The following ANK1 variants were observed in gnomAD, a reference collection of about 807,000 sequenced individuals.
ANK1 encodes ankyrin 1, also known as ankyrin-1.
In ANK1, 51 loss-of-function variants were observed where a neutral mutation model predicts 210.4. The observed-to-expected ratio is 0.24, with a 90% CI of 0.19 to 0.31. The LOEUF (loss-of-function observed/expected upper bound fraction) is 0.31, where lower values mean the gene tolerates loss of function less well. Ranked by LOEUF, ANK1 falls within the 10% of genes least tolerant of loss-of-function variation. The probability of loss-of-function intolerance (pLI) is 1.00; values close to 1 mark genes in which losing one functional copy is unlikely to be tolerated. For synonymous variants in ANK1, 967 were observed against 1,025.9 expected, an observed-to-expected ratio of 0.94 and a Z score of 1.10; for missense variants, 2,051 against 2,504.4, an observed-to-expected ratio of 0.82 and a Z score of 3.86.
intron 22 of ANK1, among the ~76,000 whole-genome samples, chr8:41,700,727 C>T (rs1822527579): frequency 1.3e-5 from 2 of 152,116 alleles, no homozygotes; most frequent in South Asian, 4.2e-4. Context: ...ATACTAGAAG[C>T]ATTCTGTAGT....
rs558977843 is a variant in ANK1 at position 41,845,645 on chromosome 8, A to G, written c.126+50710T>C. On this transcript the variant is annotated intron_variant, in intron 1 of 42. Coordinates refer to the ANK1 transcript ENST00000265709. ...GCAGTTGCACCCACTCTGTTAGTGA[A>G]GAAGGGAGAAATGATTAACTAACTC... Among the ~76,000 whole-genome samples, 20 of 152,154 alleles carry G rather than the reference A, an allele frequency of 1.3e-4. No homozygotes were observed. In the South Asian group the frequency reaches 3.5e-3, roughly 27 times the overall value.
chr8:41,758,250 G>T, intron 1 of ANK1, 113 bp from the exon 2 acceptor site: 1 of 937,862 alleles, frequency 1.1e-6, no homozygotes. Flanking sequence ...GTGGCACCCT[G>T]GTGCCCACAG....
At chr8:41,726,088 G>T (rs1830633643) in intron 5 of ANK1, 142 bp from the exon 6 acceptor site, 12 of 896,454 alleles carry the variant, frequency 1.3e-5, no homozygotes, top group African/African-American at 3.3e-5. Flanking sequence ...CTCTTCATCC[G>T]CCAAGTTTAG....
rs74771278 is a variant in ANK1 at position 41,714,445 on chromosome 8, A to T, written c.1702-191T>A. Among the ~76,000 whole-genome samples, 31,922 of 152,108 alleles carry T rather than the reference A, an allele frequency of 0.21. 4,313 individuals are homozygous for T. The highest frequency in any genetic ancestry group is 0.31 in the South Asian group (1,476 of 4,804). On this transcript the variant is annotated intron_variant, in intron 15 of 42. Coordinates refer to ENST00000289734, the MANE Select transcript of ANK1 (RefSeq NM_000037.4). ...CAGAGCCCTGTGGGAACAGGGGGGA[A>T]CGTGGGCAGTGAGATCAATACACTT...
Position 41,723,213 on chromosome 8 carries a change from G to A in ANK1, c.821C>T (p.Thr274Ile), listed in dbSNP as rs745826941. The A allele has an allele frequency of 2.5e-6, 4 of 1,614,132 alleles. No individual in the cohort carries two copies. Among genetic ancestry groups the A allele is most frequent in the Non-Finnish European group, 3.4e-6 (4 of 1,179,998 alleles). ...QIETKTKDEL[T>I]PLHCAARNGH... Reference sequence around the variant, plus strand: ...ATTTCGAGCTGCACAGTGGAGAGGTGTCAATTCGTCCTTTAAAAGACAGAG... The same window carrying A: ...ATTTCGAGCTGCACAGTGGAGAGGTATCAATTCGTCCTTTAAAAGACAGAG... Residue 274 changes from threonine to isoleucine, a missense_variant, in exon 9 of 43, where the codon ACA (threonine) becomes ATA (isoleucine). Around this residue, in one of 6 missense-constraint regions of ANK1, gnomAD observed 1,413 missense variants for 1,707.4 expected, o/e 0.83. Transcript: ENST00000289734.
chr8:41,697,905 T>G (rs1821553387), intron 24 of ANK1, 138 bp downstream of exon 24: 1 of 840,996 alleles, frequency 1.2e-6, no homozygotes, highest in Admixed American at 2.0e-5. Context: ...CGTCCAAGCG[T>G]GGAATGCCAG....
At chr8:41,681,107 T>C (rs1367257206) in intron 37 of ANK1, among the ~76,000 whole-genome samples, 1 of 152,198 alleles carries the variant, frequency 6.6e-6, no homozygotes, top group Non-Finnish European at 1.5e-5. Context: ...TCCTGCTAGC[T>C]TAACGTCAGC....
At chr8:41,705,852 G>A (rs1478922961) in intron 18 of ANK1, among the ~76,000 whole-genome samples, 3 of 151,350 alleles carry the variant, frequency 2.0e-5, no homozygotes, top group African/African-American at 7.3e-5. Context: ...GGGGAAACTT[G>A]ACATTTTGAC....
At chr8:41,874,089 G>A (rs1188665492) in intron 1 of ANK1, among the ~76,000 whole-genome samples, 1 of 152,224 alleles carries the variant, frequency 6.6e-6, no homozygotes, top group Non-Finnish European at 1.5e-5. Context: ...GAGACCTGCG[G>A]ACACACAACA....
At chr8:41,763,560 C>T (rs890242503) in intron 1 of ANK1, among the ~76,000 whole-genome samples, 5 of 152,106 alleles carry the variant, frequency 3.3e-5, no homozygotes, top group African/African-American at 4.8e-5. Context: ...ACCCCAAGGG[C>T]GTTCTTGGCC....
intron 38 of ANK1, 135 bp from the exon 39 acceptor site, chr8:41,668,699 A>C: frequency 9.9e-7 from 1 of 1,013,396 alleles, no homozygotes; most frequent in Non-Finnish European, 1.4e-6. Flanking sequence ...CCGTCCTCCC[A>C]TCCCTCCAAA....
At chr8:41,816,693 G>T (rs1211315973) in intron 1 of ANK1, among the ~76,000 whole-genome samples, 3 of 152,146 alleles carry the variant, frequency 2.0e-5, no homozygotes, top group Non-Finnish European at 4.4e-5. Flanking sequence ...GCGTCCCAAA[G>T]TGTTGGGATT....
intron 38 of ANK1, among the ~76,000 whole-genome samples, chr8:41,671,902 C>A (rs1417612954): frequency 7.0e-6 from 1 of 143,138 alleles, no homozygotes; most frequent in Non-Finnish European, 1.5e-5. Flanking sequence ...TCCCGGTGCC[C>A]CGATGTCCTA....
At chr8:41,739,376 C>A (rs995087647) in intron 2 of ANK1, among the ~76,000 whole-genome samples, 1 of 152,110 alleles carries the variant, frequency 6.6e-6, no homozygotes, top group African/African-American at 2.4e-5. Context: ...ATGTTATCTA[C>A]TTTTCCCACT....
chr8:41,893,415 G>A (rs1006837062), intron 1 of ANK1, among the ~76,000 whole-genome samples: 1 of 152,178 alleles, frequency 6.6e-6, no homozygotes, highest in African/African-American at 2.4e-5. Flanking sequence ...GCTCCAGAGT[G>A]TAGCTCAGTT....
In ANK1 at chr8:41,727,917, G is replaced by A. The variant is rs1243575663; in HGVS notation, c.318C>T (p.Ala106=). The change falls in exon 4 of 43, where the codon GCC becomes GCT. Residue 106 remains alanine (A), a synonymous_variant. Transcript: ENST00000289734. The stretch of plus-strand genomic sequence containing the variant: ...ACCAGAGAGCCATTACCTGTGACTG[G>A]GCGTTGACGTTGGCTCCATAGTTGA... ...ELVNYGANVN[A]QSQKGFTPLY... is the part of the protein sequence containing the mutation. The A allele has an allele frequency of 7.4e-6, 12 of 1,614,074 alleles. No individual in the cohort carries two copies. The Admixed American group carries it at 1.2e-4, about 16-fold the overall frequency.
At chr8:41,720,858 C>T (rs1392234913) in intron 9 of ANK1, among the ~76,000 whole-genome samples, 1 of 152,084 alleles carries the variant, frequency 6.6e-6, no homozygotes, top group Non-Finnish European at 1.5e-5. Context: ...AACCCAGGGG[C>T]CTCCATGCAG....
chr8:41,703,929 G>T, intron 20 of ANK1, 112 bp downstream of exon 20: 1 of 991,024 alleles, frequency 1.0e-6, no homozygotes, highest in Non-Finnish European at 1.6e-6. Flanking sequence ...AGGGTGCTGC[G>T]GCCCCGTCCA....
At chr8:41,767,828 G>A (rs1842191075) in intron 1 of ANK1, among the ~76,000 whole-genome samples, 1 of 152,154 alleles carries the variant, frequency 6.6e-6, no homozygotes, top group Non-Finnish European at 1.5e-5. Flanking sequence ...GAATGCCCTG[G>A]TGAATGGGCC....
Sources: gnomAD v4.1 joint callset for allele counts (sites outside exome capture counted in the v4.1 genomes callset) on GRCh38, gnomAD v4.1.1 for gene constraint, gnomAD v4.1.1 regional missense constraint, MANE v1.5 for transcripts, NCBI Gene and HGNC (gene_info 2026-07-23, HGNC 2026-07-21) for gene names.